Variants in IGSF10 observed in about 807,000 individuals in gnomAD.
IGSF10 encodes immunoglobulin superfamily member 10, also known as calvaria mechanical force protein 608.
Under a neutral mutation model 128.2 loss-of-function variants are expected in IGSF10, and 126 were observed. That is an observed-to-expected ratio of 0.98 (90% confidence interval 0.85 to 1.14). The LOEUF (loss-of-function observed/expected upper bound fraction) is 1.14, where lower values mean the gene tolerates loss of function less well. Ranked by LOEUF, IGSF10 falls within the 50% of genes most tolerant of loss-of-function variation. The probability of loss-of-function intolerance (pLI) is 0.00; values close to 1 mark genes in which losing one functional copy is unlikely to be tolerated. For missense variants in IGSF10, 3,295 were observed against 3,149.8 expected (o/e 1.05, Z -1.10); for synonymous variants, 1,185 against 1,146.2 (o/e 1.03, Z -0.68).
chr3:151,435,659 TG>T (rs1332666246), downstream of IGSF10: 1 of 152,116 alleles, frequency 6.6e-6, no homozygotes, highest in Non-Finnish European at 1.5e-5. Flanking sequence ...GAATAGATGC[TG>T]GAGAAATTAC....
At chr3:151,598,236 G>A in the IGSF10 span, among the ~76,000 whole-genome samples, 2 of 152,110 alleles carry the variant, frequency 1.3e-5, no homozygotes, top group Non-Finnish European at 2.9e-5. Context: ...AACTTTTCCT[G>A]CAAATATTGT....
chr3:151,536,738 A>G, the IGSF10 span, among the ~76,000 whole-genome samples: 384 of 152,322 alleles, frequency 2.5e-3, 1 homozygote, highest in Middle Eastern at 0.017. Flanking sequence ...TTTTCCCCTT[A>G]AAGTTCATTT....
the IGSF10 span, among the ~76,000 whole-genome samples, chr3:151,496,565 A>G: frequency 4.9e-5 from 1 of 20,596 alleles, no homozygotes. Context: ...GGTTTCCTTA[A>G]TCCAGTCTAT....
the IGSF10 span, among the ~76,000 whole-genome samples, chr3:151,511,387 A>G: frequency 6.6e-6 from 1 of 152,318 alleles, no homozygotes; most frequent in Admixed American, 6.5e-5. Context: ...TGAAGGAGAA[A>G]TAAAATACTT....
chr3:151,441,889 G>A (rs532349525), intron 7 of IGSF10, among the ~76,000 whole-genome samples: 83 of 152,194 alleles, frequency 5.5e-4, no homozygotes, highest in South Asian at 2.1e-3. Context: ...GTGAAACTCC[G>A]TCTCTACTAA....
rs1015928167 is a variant in IGSF10 at position 151,443,126 on chromosome 3, G to A, written c.5821C>T (p.Pro1941Ser). Residue 1941 changes from proline to serine, a missense_variant, in exon 7 of 8, where the codon CCC becomes TCC. Physicochemically the swap from Pro to Ser is moderately conservative, Grantham distance 74. Transcript: ENST00000282466. ...MLTMEERVTS[P>S]RIEAASQKRT... ...TTCTGGGATGCAGCTTCTATCCTGG[G>A]GCTGGTCACTCGCTCTTCCATTGTA... 1 of 1,614,046 alleles carries A rather than the reference G, an allele frequency of 6.2e-7. No individual in the cohort carries two copies. The highest frequency in any genetic ancestry group is 1.3e-5 in the African/African-American group (1 of 74,922).
In IGSF10 at chr3:151,448,221, A is replaced by G. The variant is rs533886363; in HGVS notation, c.1760T>C (p.Ile587Thr). ...QENGIHHTVF[I>T]GETLDLPCHS... ...GCATGGAAGATCAAGTGTTTCACCA[A>G]TGAAAACTGTGTGATGAATCCCATT... is the stretch of plus-strand genomic sequence containing the variant. The change falls in exon 6 of 8, where the codon ATT (isoleucine) becomes ACT (threonine). Residue 587 changes from isoleucine to threonine, a missense_variant. Transcript: ENST00000282466. 5.0e-5 allele frequency: 80 copies of G among 1,614,226 alleles called. No individual in the cohort carries two copies. In the East Asian group the frequency reaches 7.1e-4, roughly 14 times the overall value.
the IGSF10 span, among the ~76,000 whole-genome samples, chr3:151,549,895 CTTCA>C: frequency 6.6e-6 from 1 of 151,960 alleles, no homozygotes; most frequent in Non-Finnish European, 1.5e-5. Context: ...GTTATAATTT[CTTCA>C]TTCATTTCTG....
chr3:151,490,100 T>C, the IGSF10 span, among the ~76,000 whole-genome samples: 2 of 152,326 alleles, frequency 1.3e-5, no homozygotes, highest in African/African-American at 4.8e-5. Flanking sequence ...AGTAGCTGAA[T>C]GAATTTTTAA....
the IGSF10 span, among the ~76,000 whole-genome samples, chr3:151,508,063 A>C: frequency 1.3e-5 from 2 of 152,164 alleles, no homozygotes; most frequent in Non-Finnish European, 2.9e-5. Context: ...TTTCACTAGG[A>C]ATTTGGCTAC....
At chr3:151,521,221 G>T in the IGSF10 span, among the ~76,000 whole-genome samples, 1 of 151,866 alleles carries the variant, frequency 6.6e-6, no homozygotes, top group South Asian at 2.1e-4. Flanking sequence ...GATTCATAAA[G>T]AAAGTTCTTA....
chr3:151,434,994 A>C (rs1019349308), downstream of IGSF10: 3 of 148,206 alleles, frequency 2.0e-5, no homozygotes, highest in African/African-American at 7.5e-5. Flanking sequence ...GCGCATTATA[A>C]AGAAAATAAC....
the IGSF10 span, among the ~76,000 whole-genome samples, chr3:151,580,431 A>G: frequency 1.5e-4 from 23 of 152,340 alleles, no homozygotes; most frequent in South Asian, 4.1e-4. Flanking sequence ...AATATAAGAT[A>G]CATCTTTTCT....
chr3:151,509,115 A>G, the IGSF10 span, among the ~76,000 whole-genome samples: 1 of 152,338 alleles, frequency 6.6e-6, no homozygotes, highest in Admixed American at 6.5e-5. Context: ...ACACTCTTGA[A>G]TATCAGTATC....
At chr3:151,511,657 A>C in the IGSF10 span, among the ~76,000 whole-genome samples, 2 of 152,226 alleles carry the variant, frequency 1.3e-5, no homozygotes, top group African/African-American at 2.4e-5. Context: ...TCCAATTAAA[A>C]GGCACAGACT....
chr3:151,555,781 A>G, the IGSF10 span, among the ~76,000 whole-genome samples: 4 of 152,198 alleles, frequency 2.6e-5, no homozygotes, highest in African/African-American at 4.8e-5. Context: ...AATGCTTTGA[A>G]CACAAAACAG....
chr3:151,435,691 G>A (rs1193506092), downstream of IGSF10: 3 of 152,090 alleles, frequency 2.0e-5, no homozygotes, highest in East Asian at 3.8e-4. Context: ...CCCACCCCTA[G>A]ATTTAGATAA....
the IGSF10 span, among the ~76,000 whole-genome samples, chr3:151,615,962 A>AG: frequency 7.7e-6 from 1 of 130,106 alleles, no homozygotes; most frequent in African/African-American, 3.0e-5. Context: ...TTGTTTTTTG[A>AG]GGTTTTTTTT....
chr3:151,604,668 T>C, the IGSF10 span, among the ~76,000 whole-genome samples: 1 of 151,930 alleles, frequency 6.6e-6, no homozygotes, highest in East Asian at 1.9e-4. Context: ...ATATTTTTAC[T>C]GTCCTCAAAA....
Sources: allele counts gnomAD v4.1 joint callset (sites outside exome capture counted in the v4.1 genomes callset), GRCh38; gene constraint gnomAD v4.1.1; transcripts MANE v1.5; gene names NCBI Gene and HGNC (gene_info 2026-07-23, HGNC 2026-07-21).